Variants in ARL15 observed in about 807,000 individuals in gnomAD.
ARL15 encodes the protein ARF like GTPase 15, also known as ADP-ribosylation factor-like protein 15.
In ARL15, 19 loss-of-function variants were observed where a neutral mutation model predicts 25.2. The observed-to-expected ratio is 0.75, with a 90% CI of 0.53 to 1.10. ARL15 has a LOEUF of 1.10. Ranked by LOEUF, ARL15 falls within the 50% of genes least tolerant of loss-of-function variation. The probability of loss-of-function intolerance (pLI) is 0.00; values close to 1 mark genes in which losing one functional copy is unlikely to be tolerated. For synonymous variants in ARL15, 94 were observed against 86.8 expected (o/e 1.08, Z -0.46); for missense variants, 220 against 246.0 (o/e 0.89, Z 0.71).
chr5:53,996,561 G>A (rs2111693123), intron 4 of ARL15, among the ~76,000 whole-genome samples: 1 of 147,172 alleles, frequency 6.8e-6, no homozygotes, highest in South Asian at 2.2e-4. Flanking sequence ...GGAGGTTGCA[G>A]TGCGCTGAGA....
chr5:53,886,775 A>G (rs779462503), intron 4 of ARL15, 62 bp from the exon 5 acceptor site: 78 of 1,434,482 alleles, frequency 5.4e-5, no homozygotes, highest in Non-Finnish European at 7.2e-5. Context: ...TCTCATATCA[A>G]AATTCTGAGG....
intron 1 of ARL15, among the ~76,000 whole-genome samples, chr5:54,262,891 G>A (rs185683168): frequency 3.5e-4 from 53 of 152,262 alleles, no homozygotes; most frequent in African/African-American, 1.2e-3. Context: ...CTGTTTGCCG[G>A]GCACTGGCAA....
chr5:54,182,663 T>A (rs1755095252), intron 1 of ARL15, among the ~76,000 whole-genome samples: 1 of 151,140 alleles, frequency 6.6e-6, no homozygotes, highest in South Asian at 2.1e-4. Context: ...AACTTTAAAG[T>A]AGTTTTTTCC....
At chr5:54,015,122 G>A (rs564072860) in intron 4 of ARL15, among the ~76,000 whole-genome samples, 11 of 151,596 alleles carry the variant, frequency 7.3e-5, no homozygotes, top group South Asian at 2.1e-4. Context: ...GCAAAACCCC[G>A]TCTCTACTAA....
intron 4 of ARL15, among the ~76,000 whole-genome samples, chr5:54,079,211 T>A (rs1399724942): frequency 6.6e-6 from 1 of 152,226 alleles, no homozygotes; most frequent in African/African-American, 2.4e-5. Flanking sequence ...GTTGGCTTTT[T>A]GTCATCTCAT....
intron 4 of ARL15, among the ~76,000 whole-genome samples, chr5:54,047,365 C>T (rs1044553874): frequency 6.6e-6 from 1 of 152,188 alleles, no homozygotes; most frequent in Non-Finnish European, 1.5e-5. Context: ...GGTCATGCTA[C>T]TCTCTCTGTG....
intron 1 of ARL15, among the ~76,000 whole-genome samples, chr5:54,188,775 G>C (rs1220237632): frequency 6.6e-6 from 1 of 152,120 alleles, no homozygotes; most frequent in Non-Finnish European, 1.5e-5. Flanking sequence ...CATTCCAGTA[G>C]GGCAGAGAAT....
chr5:54,130,919 G>A (rs1197672751), intron 3 of ARL15, among the ~76,000 whole-genome samples: 1 of 152,130 alleles, frequency 6.6e-6, no homozygotes, highest in Non-Finnish European at 1.5e-5. Context: ...TGTGTGGAGG[G>A]GAGAAAATGG....
At chr5:54,082,496 A>T (rs1397913909) in intron 4 of ARL15, among the ~76,000 whole-genome samples, 3 of 152,166 alleles carry the variant, frequency 2.0e-5, no homozygotes, top group Non-Finnish European at 4.4e-5. Flanking sequence ...GAAGGAAAAA[A>T]TCCTGGTAAC....
chr5:54,125,070 G>GTT (rs1753203668), intron 3 of ARL15, among the ~76,000 whole-genome samples: 1 of 135,982 alleles, frequency 7.4e-6, no homozygotes, highest in South Asian at 2.4e-4. Flanking sequence ...CAAGTTTTTT[G>GTT]TTTTGTTTTG....
At chr5:53,915,994 C>A (rs1235884789) in intron 4 of ARL15, among the ~76,000 whole-genome samples, 2 of 152,122 alleles carry the variant, frequency 1.3e-5, no homozygotes, top group Non-Finnish European at 2.9e-5. Flanking sequence ...GCAGCCTTGA[C>A]CTTCTGGGCT....
intron 4 of ARL15, among the ~76,000 whole-genome samples, chr5:53,958,000 A>T (rs1747221015): frequency 6.6e-6 from 1 of 152,082 alleles, no homozygotes; most frequent in Non-Finnish European, 1.5e-5. Flanking sequence ...ACCTGAGGTC[A>T]GGGGTTCAAG....
intron 1 of ARL15, among the ~76,000 whole-genome samples, chr5:54,181,710 G>C (rs978426156): frequency 4.6e-5 from 7 of 152,172 alleles, no homozygotes; most frequent in Non-Finnish European, 8.8e-5. Context: ...AACGGAGGAG[G>C]ATCACTTGAG....
chr5:54,221,861 ACACAC>A (rs1162974352), intron 1 of ARL15, among the ~76,000 whole-genome samples: 10 of 148,386 alleles, frequency 6.7e-5, no homozygotes, highest in African/African-American at 2.6e-4. Flanking sequence ...ACACACACAC[ACACAC>A]ACACAAAACC....
chr5:53,990,301 T>C (rs1748442293), intron 4 of ARL15, among the ~76,000 whole-genome samples: 1 of 152,056 alleles, frequency 6.6e-6, no homozygotes, highest in South Asian at 2.1e-4. Flanking sequence ...CCCACTGCAA[T>C]TGTTACATAA....
intron 1 of ARL15, among the ~76,000 whole-genome samples, chr5:54,202,378 G>A (rs911943882): frequency 2.0e-5 from 3 of 152,124 alleles, no homozygotes; most frequent in Non-Finnish European, 4.4e-5. Flanking sequence ...TTGTCCTTAA[G>A]CAGAAAGGAG....
At chr5:53,887,254 G>C (rs1744557301) in intron 4 of ARL15, 1 of 617,610 alleles carries the variant, frequency 1.6e-6, no homozygotes, top group Non-Finnish European at 2.9e-6. Context: ...TGAGACATGA[G>C]AGCGTGTTTT....
intron 1 of ARL15, among the ~76,000 whole-genome samples, chr5:54,183,632 A>G (rs1755131428): frequency 6.6e-6 from 1 of 151,592 alleles, no homozygotes; most frequent in South Asian, 2.1e-4. Context: ...AGAAATAGGA[A>G]CACTCTTACA....
intron 3 of ARL15, among the ~76,000 whole-genome samples, chr5:54,117,364 G>GACACACACAC (rs776020187): frequency 0.011 from 1,021 of 90,978 alleles, 5 homozygotes; most frequent in Middle Eastern, 0.025. Context: ...CAAATAGTGA[G>GACACACACAC]ACACATACAC....
Sources: allele counts gnomAD v4.1 joint callset (sites outside exome capture counted in the v4.1 genomes callset), GRCh38; gene constraint gnomAD v4.1.1; transcripts MANE v1.5; gene names NCBI Gene and HGNC (gene_info 2026-07-23, HGNC 2026-07-21).